Variants in ELOVL7 observed in about 807,000 individuals in gnomAD.
ELOVL7 encodes ELOVL fatty acid elongase 7, also known as very long chain fatty acid elongase 7.
A neutral mutation model predicts 35.7 loss-of-function variants in ELOVL7; 27 were observed. The observed-to-expected ratio is 0.76, with a 90% CI of 0.56 to 1.04. The LOEUF (loss-of-function observed/expected upper bound fraction) is 1.04. Among genes scored for constraint, ELOVL7 ranks in the 50% least tolerant of loss-of-function variants. The pLI is 0.00. For missense variants in ELOVL7, 327 were observed against 340.8 expected (o/e 0.96, Z 0.32); for synonymous variants, 113 against 114.6 (o/e 0.99, Z 0.09).
At position 60,752,281 on chromosome 5, in the gene ELOVL7, T is replaced by C. The variant is rs942561670; in HGVS notation, c.*2343A>G. The C allele has an allele frequency of 2.0e-5, 3 of 152,670 alleles. No homozygotes were observed. Among genetic ancestry groups the C allele is most frequent in the Non-Finnish European group, 4.4e-5 (3 of 68,038 alleles). 9.5% of individuals were successfully genotyped at this position (152,670 alleles called of 1,614,324 possible). A position where few individuals can be genotyped will look rare whatever the true frequency, so the allele number is the denominator to read the frequency against. On this transcript the variant is annotated 3_prime_UTR_variant, in exon 9 of 9. Transcript: ENST00000508821. ...AGCTGTGATTTCTTTTGTAGCATTCTGGCTCTCCACTTCTATTCATATAAT... is the reference window on the plus strand; with the variant it reads ...AGCTGTGATTTCTTTTGTAGCATTCCGGCTCTCCACTTCTATTCATATAAT...
At chr5:60,810,081 A>T (rs1745159520) in intron 1 of ELOVL7, among the ~76,000 whole-genome samples, 1 of 152,202 alleles carries the variant, frequency 6.6e-6, no homozygotes, top group Non-Finnish European at 1.5e-5. Context: ...AACAAACTTT[A>T]TCTTGCCTGC....
chr5:60,785,484 T>A (rs1448400290), intron 3 of ELOVL7, among the ~76,000 whole-genome samples: 1 of 152,210 alleles, frequency 6.6e-6, no homozygotes, highest in Non-Finnish European at 1.5e-5. Flanking sequence ...GATTCTTGTA[T>A]CTGGGATAGT....
intron 1 of ELOVL7, among the ~76,000 whole-genome samples, chr5:60,810,641 G>A (rs1311451830): frequency 1.3e-5 from 2 of 152,104 alleles, no homozygotes; most frequent in African/African-American, 2.4e-5. Context: ...GTTTTTCAGG[G>A]CTGGCATCTG....
rs1741322612 is a variant in ELOVL7, at chr5:60,752,370, G to A, written c.*2254C>T. ...TTAAACATTTTAAAGACTACAGGGA[G>A]GTTAGGAGAGGTTGTATGATGAAGG... On this transcript the variant is annotated 3_prime_UTR_variant, in exon 9 of 9. Coordinates refer to ENST00000508821, the MANE Select transcript of ELOVL7 (RefSeq NM_024930.3). 6.6e-6 allele frequency: 1 copy of A among 152,608 alleles called. No homozygotes were observed. 9.5% of individuals were successfully genotyped at this position (152,608 alleles called of 1,614,324 possible). A position where few individuals can be genotyped will look rare whatever the true frequency, so the allele number is the denominator to read the frequency against.
At chr5:60,768,245 G>A (rs1742363779) in intron 4 of ELOVL7, among the ~76,000 whole-genome samples, 1 of 152,202 alleles carries the variant, frequency 6.6e-6, no homozygotes, top group Admixed American at 6.5e-5. Context: ...GTTCATCTAT[G>A]TATGTGTGAG....
intron 2 of ELOVL7, among the ~76,000 whole-genome samples, chr5:60,793,139 T>G (rs1478295334): frequency 6.6e-6 from 1 of 152,190 alleles, no homozygotes; most frequent in African/African-American, 2.4e-5. Context: ...CAGGAAGCTT[T>G]GGTGTTCAGA....
rs1741619522 is a variant in ELOVL7, at chr5:60,757,592, A to G, written c.553T>C (p.Tyr185His). ...AATGCAGAAAGTCCATAGTAGGAAT[A>G]CATGACTACATGTACAGCTGTATTT... ...LLNTAVHVVM[Y>H]SYYGLSALGP... Residue 185 changes from tyrosine (Y) to histidine (H), a missense_variant, in exon 8 of 9, where the codon TAT (tyrosine) becomes CAT (histidine). Physicochemically the swap from Tyr to His is moderately conservative, Grantham distance 83 (BLOSUM62 2). Coordinates refer to ENST00000508821, the MANE Select transcript of ELOVL7 (RefSeq NM_024930.3). The G allele has an allele frequency of 1.4e-5, 22 of 1,613,068 alleles. No individual in the cohort carries two copies. Among genetic ancestry groups the G allele is most frequent in the Non-Finnish European group, 1.9e-5 (22 of 1,179,192 alleles).
In ELOVL7 at chr5:60,785,589, G is replaced by C. The variant is rs1340428066; in HGVS notation, c.64+1745C>G. ...TGGTTCCTAAGTTCAAATACTGAGA[G>C]TTCATGTAGCAAGGCACACCTCTCC... is the stretch of plus-strand genomic sequence containing the variant. On this transcript the variant is annotated intron_variant, in intron 3 of 8. Coordinates refer to ENST00000508821, the MANE Select transcript of ELOVL7 (RefSeq NM_024930.3). Among the ~76,000 whole-genome samples the C allele has an allele frequency of 5.3e-5, 8 of 152,268 alleles. No homozygotes were observed. The East Asian group carries it at 7.7e-4, about 15-fold the overall frequency.
intron 3 of ELOVL7, among the ~76,000 whole-genome samples, chr5:60,784,707 G>T (rs1743465136): frequency 6.6e-6 from 1 of 152,094 alleles, no homozygotes; most frequent in South Asian, 2.1e-4. Context: ...GACTAAGATG[G>T]CCAAAAATGA....
chr5:60,817,434 T>C (rs903072536), intron 1 of ELOVL7, among the ~76,000 whole-genome samples: 12 of 151,714 alleles, frequency 7.9e-5, no homozygotes, highest in Admixed American at 6.6e-5. Flanking sequence ...TAAAGTCTGA[T>C]AACACACTTT....
chr5:60,842,023 C>T (rs1054682125), intron 1 of ELOVL7, among the ~76,000 whole-genome samples: 1 of 152,204 alleles, frequency 6.6e-6, no homozygotes, highest in South Asian at 2.1e-4. Context: ...AAAATTTATA[C>T]TGTATCATCT....
intron 1 of ELOVL7, among the ~76,000 whole-genome samples, chr5:60,837,319 G>GA (rs1195267078): frequency 1.6e-5 from 2 of 126,580 alleles, no homozygotes; most frequent in Admixed American, 1.5e-4. Context: ...GGGGGGTGGG[G>GA]GGGGAGTGGG....
At position 60,772,040 on chromosome 5, in the gene ELOVL7, G is replaced by A. The variant is rs1763070795; in HGVS notation, c.118C>T (p.Leu40Phe). ...ACAAAATAGACATAGAATCCTAGGAGGATGGTTTGTGGCAGAGGCGAGGAC... is the reference window on the plus strand; with the variant it reads ...ACAAAATAGACATAGAATCCTAGGAAGATGGTTTGTGGCAGAGGCGAGGAC... The part of the protein sequence containing the change: ...LMSSPLPQTI[L>F]LGFYVYFVTS... The change falls in exon 4 of 9, where the codon CTC becomes TTC. Residue 40 changes from leucine (L) to phenylalanine (F), a missense_variant. By Grantham distance (22) the Leu-to-Phe change is conservative. Coordinates refer to ENST00000508821, the MANE Select transcript of ELOVL7 (RefSeq NM_024930.3). 2 of 1,613,422 alleles carry A rather than the reference G, an allele frequency of 1.2e-6. No individual in the cohort carries two copies. Among genetic ancestry groups the A allele is most frequent in the African/African-American group, 1.3e-5 (1 of 74,904 alleles).
At chr5:60,768,754 T>C (rs1250199438) in intron 4 of ELOVL7, 1 of 454,386 alleles carries the variant, frequency 2.2e-6, no homozygotes, top group Non-Finnish European at 4.4e-6. Flanking sequence ...GTTGGCTTAA[T>C]TTAGGGCACT....
At chr5:60,841,023 CTTTTTTTT>C (rs59046428) in intron 1 of ELOVL7, among the ~76,000 whole-genome samples, 8 of 125,362 alleles carry the variant, frequency 6.4e-5, no homozygotes, top group Non-Finnish European at 9.8e-5. Context: ...AATTACTTTC[CTTTTTTTT>C]TTTTTTTTTT....
chr5:60,775,332 GA>G (rs1286147757), intron 3 of ELOVL7, among the ~76,000 whole-genome samples: 3 of 152,046 alleles, frequency 2.0e-5, no homozygotes, highest in Non-Finnish European at 4.4e-5. Context: ...AGAAATCATG[GA>G]AAATACAAAT....
intron 7 of ELOVL7, among the ~76,000 whole-genome samples, chr5:60,758,789 G>C (rs559990971): frequency 4.9e-4 from 75 of 152,320 alleles, no homozygotes; most frequent in African/African-American, 1.8e-3. Flanking sequence ...GGAAGAATAT[G>C]TGTTCTTTAT....
chr5:60,774,002 A>G (rs1466857299), intron 3 of ELOVL7, among the ~76,000 whole-genome samples: 1 of 152,246 alleles, frequency 6.6e-6, no homozygotes, highest in East Asian at 1.9e-4. Flanking sequence ...TGTTCTGTGG[A>G]ACACTAAAAT....
chr5:60,794,145 C>T lies in ELOVL7; in HGVS notation c.-35+5035G>A, dbSNP rs139318654. Among the ~76,000 whole-genome samples, 212 of 152,328 alleles carry T rather than the reference C, an allele frequency of 1.4e-3. 1 individual carries two copies. Among genetic ancestry groups the T allele is most frequent in the Non-Finnish European group, 2.5e-3 (169 of 68,026 alleles). ...TTTCATTGCCCCACGTCTGCAACTG[C>T]CCCATGAATACTGCTCCTTGATTTT... On this transcript the variant is annotated intron_variant, in intron 2 of 8. Coordinates refer to ENST00000508821, the MANE Select transcript of ELOVL7 (RefSeq NM_024930.3).
Sources: gnomAD v4.1 joint callset for allele counts (sites outside exome capture counted in the v4.1 genomes callset) on GRCh38, gnomAD v4.1.1 for gene constraint, MANE v1.5 for transcripts, NCBI Gene and HGNC (gene_info 2026-07-23, HGNC 2026-07-21) for gene names.